SIGLEC6: variants seen among roughly 807,000 people sequenced by gnomAD.
The protein encoded by SIGLEC6 is sialic acid-binding Ig-like lectin 6.
Under a neutral mutation model 41.4 loss-of-function variants are expected in SIGLEC6, and 31 were observed. The observed-to-expected ratio is 0.75, with a 90% CI of 0.56 to 1.01. SIGLEC6 has a LOEUF of 1.01. SIGLEC6 is among the 50% of genes least tolerant of loss of function. The probability of loss-of-function intolerance (pLI) is 0.00; values close to 1 mark genes in which losing one functional copy is unlikely to be tolerated. For synonymous variants in SIGLEC6, 217 were observed against 231.0 expected (o/e 0.94, Z 0.55); for missense variants, 555 against 558.6 (o/e 0.99, Z 0.06).
At chr19:51,525,503 C>T (rs930467762) in intron 7 of SIGLEC6, among the ~76,000 whole-genome samples, 1 of 152,180 alleles carries the variant, frequency 6.6e-6, no homozygotes, top group African/African-American at 2.4e-5. Flanking sequence ...CCCGGGCCCC[C>T]AGCACAGCTG....
Position 51,527,801 on chromosome 19 carries a change from G to A in SIGLEC6, c.1134C>T (p.Ala378=), listed in dbSNP as rs762967772. The A allele has an allele frequency of 2.4e-5, 39 of 1,613,942 alleles. No individual in the cohort carries two copies. Among genetic ancestry groups the A allele is most frequent in the Non-Finnish European group, 3.1e-5 (37 of 1,180,018 alleles). ...CATCATCCGTGTTTTGCACTGGCTG[G>A]GCTGCTTTCTTCCTTCTAGTCTTCA... ...FRVKTRRKKA[A]QPVQNTDDVN... The change falls in exon 7 of 8, where the codon GCC becomes GCT. Residue 378 remains alanine (A), a synonymous_variant. Transcript: ENST00000425629.
At position 51,519,218 on chromosome 19, in the gene SIGLEC6, C is replaced by A. The variant is rs1400749148; in HGVS notation, c.*864G>T. Among the ~76,000 whole-genome samples, 1 of 139,296 alleles carries A rather than the reference C, an allele frequency of 7.2e-6. No individual in the cohort carries two copies. The highest frequency in any genetic ancestry group is 1.5e-5 in the Non-Finnish European group (1 of 66,018). 91.4% of individuals were successfully genotyped at this position (139,296 alleles called of 152,430 possible). A position where few individuals can be genotyped will look rare whatever the true frequency, so the allele number is the denominator to read the frequency against. ...GCTGAGGCAGGAGAATGGTGTGAACCCAGGGGGCGAAGCTTGCACTGAGCC... is the reference window on the plus strand; with the variant it reads ...GCTGAGGCAGGAGAATGGTGTGAACACAGGGGGCGAAGCTTGCACTGAGCC... On this transcript the variant is annotated 3_prime_UTR_variant, in exon 8 of 8. Coordinates refer to ENST00000425629, the MANE Select transcript of SIGLEC6 (RefSeq NM_001245.7).
At position 51,519,996 on chromosome 19, in the gene SIGLEC6, G is replaced by C; in HGVS notation, c.*86C>G. ...TCTGTGTTTATGTCACTCGGTTTGT[G>C]GTACATTGCTGTGGCAGCCCTAGTA... On this transcript the variant is annotated 3_prime_UTR_variant, in exon 8 of 8. Transcript: ENST00000425629. 1.7e-6 allele frequency: 2 copies of C among 1,144,166 alleles called. No individual in the cohort carries two copies. The highest frequency in any genetic ancestry group is 2.2e-5 in the South Asian group (1 of 45,584). The allele number at this position is 1,144,166 out of a possible 1,614,324, so 70.9% of individuals were successfully genotyped here.
Position 51,531,597 on chromosome 19 carries a change from G to T in SIGLEC6, c.52C>A (p.Pro18Thr). The change falls in exon 1 of 8, where the codon CCC becomes ACC. Residue 18 changes from proline (P) to threonine (T), a missense_variant. By Grantham distance (38) the Pro-to-Thr change is conservative. Transcript: ENST00000425629. ...GCCCACTCACCTGCCCACAGCAGGGGCAGCAGCAGCGGTAGCATCTCTGAG... is the reference window on the plus strand; with the variant it reads ...GCCCACTCACCTGCCCACAGCAGGGTCAGCAGCAGCGGTAGCATCTCTGAG... Reference protein sequence around the residue: ...SASEMLPLLLPLLWAGALAQE... With the variant: ...SASEMLPLLLTLLWAGALAQE... The T allele has an allele frequency of 6.2e-7, 1 of 1,613,626 alleles. No individual in the cohort carries two copies. Among genetic ancestry groups the T allele is most frequent in the Non-Finnish European group, 8.5e-7 (1 of 1,179,788 alleles).
In SIGLEC6 at chr19:51,531,510, GC is replaced by G; in HGVS notation, c.76del (p.Ala26LeufsTer14). On this transcript the variant is annotated frameshift_variant, in exon 2 of 8. Coordinates refer to ENST00000425629, the MANE Select transcript of SIGLEC6 (RefSeq NM_001245.7). LOFTEE classifies it high-confidence loss of function. Reference sequence around the variant, plus strand: ...CTCCAGCTGGAATCTCCGCTCCTGAGCCAGGGCCCCTATGGAGACATGAGGG... The same window carrying G: ...CTCCAGCTGGAATCTCCGCTCCTGAGCAGGGCCCCTATGGAGACATGAGGG... ...LLPLLWAGAL[A>X]QERRFQLEGP... 6.2e-7 allele frequency: 1 copy of G among 1,613,850 alleles called. No homozygotes were observed. Among genetic ancestry groups the G allele is most frequent in the Admixed American group, 1.7e-5 (1 of 59,976 alleles).
rs1158191358 is a variant in SIGLEC6 at position 51,531,608 on chromosome 19, G to T, written c.41C>A (p.Pro14Gln). ...AQEASASEML[P>Q]LLLPLLWAGA... is the part of the protein sequence containing the mutation. The stretch of plus-strand genomic sequence containing the variant: ...TGCCCACAGCAGGGGCAGCAGCAGC[G>T]GTAGCATCTCTGAGGCGGAGGCTTC... Residue 14 changes from proline to glutamine, a missense_variant, in exon 1 of 8, where the codon CCG becomes CAG. Physicochemically the swap from Pro to Gln is moderately conservative, Grantham distance 76 (BLOSUM62 -1). Coordinates refer to ENST00000425629, the MANE Select transcript of SIGLEC6 (RefSeq NM_001245.7). 6.2e-7 allele frequency: 1 copy of T among 1,613,166 alleles called. No individual in the cohort carries two copies. The highest frequency in any genetic ancestry group is 2.2e-5 in the East Asian group (1 of 44,814).
In SIGLEC6 at chr19:51,518,787, G is replaced by C. The variant is rs1394079310; in HGVS notation, c.*1295C>G. 6.6e-6 allele frequency among the ~76,000 whole-genome samples: 1 copy of C among 152,202 alleles called. No individual in the cohort carries two copies. The highest frequency in any genetic ancestry group is 1.5e-5 in the Non-Finnish European group (1 of 68,042). ...AGAGGAAGCTGTGGAAATGGACATG[G>C]GGTATTGGTGACTGGTGAGGAATTG... On this transcript the variant is annotated 3_prime_UTR_variant, in exon 8 of 8. Coordinates refer to ENST00000425629, the MANE Select transcript of SIGLEC6 (RefSeq NM_001245.7).
At chr19:51,527,909 T>G in intron 6 of SIGLEC6, 81 bp from the exon 7 acceptor site, 1 of 1,335,118 alleles carries the variant, frequency 7.5e-7, no homozygotes, top group Non-Finnish European at 1.1e-6. Flanking sequence ...CCACTCCCTA[T>G]GGAGAGTACA....
rs6509548 is a variant in SIGLEC6, at chr19:51,518,244, C to A, written c.*1838G>T. On this transcript the variant is annotated 3_prime_UTR_variant, in exon 8 of 8. Coordinates refer to ENST00000425629, the MANE Select transcript of SIGLEC6 (RefSeq NM_001245.7). ...TAAAACAACATTTATTTCTCTTAAG[C>A]CATCAAAGACATCTTTCTATTGCAT... Among the ~76,000 whole-genome samples the A allele has an allele frequency of 6.6e-6, 1 of 152,126 alleles. No homozygotes were observed. Among genetic ancestry groups the A allele is most frequent in the East Asian group, 1.9e-4 (1 of 5,186 alleles).
At chr19:51,528,391 G>A (rs924023735) in intron 5 of SIGLEC6, 138 bp from the exon 6 acceptor site, 24 of 712,980 alleles carry the variant, frequency 3.4e-5, no homozygotes, top group Admixed American at 1.5e-4. Flanking sequence ...CTGTGAACCC[G>A]GAACCAGCCT....
chr19:51,518,765 G>C lies in SIGLEC6; in HGVS notation c.*1317C>G, dbSNP rs1390677997. Among the ~76,000 whole-genome samples the C allele has an allele frequency of 6.6e-6, 1 of 152,202 alleles. No individual in the cohort carries two copies. The highest frequency in any genetic ancestry group is 1.5e-5 in the Non-Finnish European group (1 of 68,042). On this transcript the variant is annotated 3_prime_UTR_variant, in exon 8 of 8. Coordinates refer to ENST00000425629, the MANE Select transcript of SIGLEC6 (RefSeq NM_001245.7). ...ATAGTGGAGACTGGGATTTGTAAGA[G>C]GAAGCTGTGGAAATGGACATGGGGT...
chr19:51,522,755 C>T (rs1470277097), intron 7 of SIGLEC6, among the ~76,000 whole-genome samples: 1 of 152,182 alleles, frequency 6.6e-6, no homozygotes, highest in Non-Finnish European at 1.5e-5. Context: ...CATGCCATTG[C>T]ACTCCACCCT....
chr19:51,525,001 G>A (rs975330288), intron 7 of SIGLEC6, among the ~76,000 whole-genome samples: 7 of 152,202 alleles, frequency 4.6e-5, no homozygotes, highest in Admixed American at 1.3e-4. Context: ...AGAGCTGTGC[G>A]GAGTCTGGGC....
chr19:51,527,532 T>C (rs1979437208), intron 7 of SIGLEC6, among the ~76,000 whole-genome samples: 1 of 152,224 alleles, frequency 6.6e-6, no homozygotes, highest in South Asian at 2.1e-4. Flanking sequence ...GGAGTACGTA[T>C]TTCATCAGAA....
At position 51,530,862 on chromosome 19, in the gene SIGLEC6, C is replaced by T; in HGVS notation, c.525G>A (p.Gly175=). 1.2e-6 allele frequency: 2 copies of T among 1,613,910 alleles called. No individual in the cohort carries two copies. Among genetic ancestry groups the T allele is most frequent in the Non-Finnish European group, 1.7e-6 (2 of 1,180,000 alleles). ...ACATCCAGGAGAAGATGGGGGGCGT[C>T]CCCTGCTCACAGACCCAGGGCACAG... is the stretch of plus-strand genomic sequence containing the variant. ...TCSVPWVCEQ[G]TPPIFSWMSA... Residue 175 remains glycine (G), a synonymous_variant, in exon 3 of 8, where the codon GGG becomes GGA. Coordinates refer to ENST00000425629, the MANE Select transcript of SIGLEC6 (RefSeq NM_001245.7).
rs10651662 is a variant in SIGLEC6 at position 51,519,296 on chromosome 19, GAA to G, written c.*784_*785del. 0.12 allele frequency among the ~76,000 whole-genome samples: 10,893 copies of G among 90,378 alleles called. 259 individuals carry two copies. Among genetic ancestry groups the G allele is most frequent in the Middle Eastern group, 0.19 (26 of 134 alleles). The allele number at this position is 90,378 out of a possible 152,430, so 59.3% of individuals were successfully genotyped here. On this transcript the variant is annotated 3_prime_UTR_variant, in exon 8 of 8. Coordinates refer to ENST00000425629, the MANE Select transcript of SIGLEC6 (RefSeq NM_001245.7). ...GGAGATACAGCAAGACTCCATCTCAGAAAAAAAAAAAAAAAAAAAAAGCTAGC... is the reference window on the plus strand; with the variant it reads ...GGAGATACAGCAAGACTCCATCTCAGAAAAAAAAAAAAAAAAAAAGCTAGC...
At chr19:51,528,351 C>G (rs1441536963) in intron 5 of SIGLEC6, 98 bp from the exon 6 acceptor site, 1 of 980,662 alleles carries the variant, frequency 1.0e-6, no homozygotes, top group African/African-American at 1.6e-5. Context: ...CACCCCCATC[C>G]AGGACTCAGT....
intron 7 of SIGLEC6, among the ~76,000 whole-genome samples, chr19:51,526,947 A>T (rs866651448): frequency 6.6e-6 from 1 of 152,242 alleles, no homozygotes; most frequent in African/African-American, 2.4e-5. Context: ...AGGAAAGAAT[A>T]TCAGAGCCCA....
chr19:51,523,059 G>A (rs918457423), intron 7 of SIGLEC6, among the ~76,000 whole-genome samples: 2 of 151,976 alleles, frequency 1.3e-5, no homozygotes, highest in African/African-American at 4.8e-5. Flanking sequence ...AGGATCACTT[G>A]AGCCTAGGAG....
Sources: allele counts gnomAD v4.1 joint callset (sites outside exome capture counted in the v4.1 genomes callset), GRCh38; gene constraint gnomAD v4.1.1; transcripts MANE v1.5; gene names NCBI Gene and HGNC (gene_info 2026-07-23, HGNC 2026-07-21).